MIB2: variants seen among roughly 807,000 people sequenced by gnomAD.
MIB2 encodes the protein MIB E3 ubiquitin protein ligase 2.
MIB2 carries 78 observed loss-of-function variants against 96.6 expected under a neutral mutation model. That is an observed-to-expected ratio of 0.81 (90% CI 0.67 to 0.97). The LOEUF (loss-of-function observed/expected upper bound fraction) is 0.97. Ranked by LOEUF, MIB2 falls within the 50% of genes least tolerant of loss-of-function variation. The pLI, the probability that MIB2 is intolerant of heterozygous loss-of-function variation, is 0.00. For synonymous variants in MIB2, 820 were observed against 629.5 expected (o/e 1.30, Z -4.53); for missense variants, 1,543 against 1,424.0 (o/e 1.08, Z -1.35).
chr1:1,627,196 C>T lies in MIB2; in HGVS notation c.1363C>T (p.Arg455Cys), dbSNP rs201142750. The change falls in exon 11 of 20, where the codon CGC becomes TGC. Residue 455 changes from arginine to cysteine, a missense_variant. Coordinates refer to ENST00000355826, the MANE Select transcript of MIB2 (RefSeq NM_001170687.4). ...AARALDLLRR[R>C]PEQVDTKNQG... ...CCGGGCTCTGGACCTGCTGCGGAGG[C>T]GCCCAGAGCAGGCAAGCTCCTGACC... The T allele has an allele frequency of 2.1e-4, 342 of 1,600,026 alleles. No homozygotes were observed. Among genetic ancestry groups the T allele is most frequent in the Non-Finnish European group, 2.5e-4 (295 of 1,173,982 alleles).
In MIB2 at chr1:1,628,066, T is replaced by C. The variant is rs1274278848; in HGVS notation, c.1728T>C (p.Thr576=). 2 of 1,613,122 alleles carry C rather than the reference T, an allele frequency of 1.2e-6. No homozygotes were observed. Among genetic ancestry groups the C allele is most frequent in the East Asian group, 2.2e-5 (1 of 44,870 alleles). The part of the protein sequence containing the change: ...TPLHSAISAG[T]GASGIVEVLT... ...TGCACTCCGCCATCTCGGCGGGCAC[T>C]GGAGCCAGCGGCATTGTCGAGGTCC... is the stretch of plus-strand genomic sequence containing the variant. The change falls in exon 14 of 20, where the codon ACT becomes ACC. Residue 576 remains threonine, a synonymous_variant. Transcript: ENST00000355826.
chr1:1,623,321 G>A, intron 2 of MIB2, 110 bp from the exon 3 acceptor site: 2 of 1,475,674 alleles, frequency 1.4e-6, no homozygotes, highest in Non-Finnish European at 1.8e-6. Flanking sequence ...GGGCCTCTCT[G>A]CTCTCCCGCG....
intron 19 of MIB2, 77 bp downstream of exon 19, chr1:1,629,781 C>A: frequency 7.1e-7 from 1 of 1,411,662 alleles, no homozygotes; most frequent in East Asian, 2.7e-5. Context: ...CACCCCTTCC[C>A]TCCCACACTT....
In MIB2 at chr1:1,616,541, C is replaced by T; in HGVS notation, c.-96C>T. On this transcript the variant is annotated 5_prime_UTR_variant, in exon 2 of 20. The change creates a premature stop within an existing upstream ORF in the 5' untranslated region. Transcript: ENST00000355826. ...GCCCAGCGAGGCTAGAGGCCAGTCCCAAAGTTTCCAGGCATCAGGGCTGCA... is the reference window on the plus strand; with the variant it reads ...GCCCAGCGAGGCTAGAGGCCAGTCCTAAAGTTTCCAGGCATCAGGGCTGCA... 1 of 1,603,372 alleles carries T rather than the reference C, an allele frequency of 6.2e-7. No individual in the cohort carries two copies.
Position 1,628,045 on chromosome 1 carries a change from C to T in MIB2, c.1707C>T (p.His569=), listed in dbSNP as rs1163653901. The stretch of plus-strand genomic sequence containing the variant: ...ACGCCCACTCGGACACGCCCCTGCA[C>T]TCCGCCATCTCGGCGGGCACTGGAG... The part of the protein sequence containing the change: ...LPDAHSDTPL[H]SAISAGTGAS... Residue 569 remains histidine, a synonymous_variant, in exon 14 of 20, where the codon CAC becomes CAT. Coordinates refer to ENST00000355826, the MANE Select transcript of MIB2 (RefSeq NM_001170687.4). The T allele has an allele frequency of 6.2e-7, 1 of 1,613,172 alleles. No homozygotes were observed. The highest frequency in any genetic ancestry group is 8.5e-7 in the Non-Finnish European group (1 of 1,179,968).
Position 1,624,835 on chromosome 1 carries a change from C to G in MIB2, c.460C>G (p.Leu154Val), listed in dbSNP as rs1456569727. The G allele has an allele frequency of 1.9e-6, 3 of 1,613,148 alleles. No homozygotes were observed. Among genetic ancestry groups the G allele is most frequent in the East Asian group, 4.5e-5 (2 of 44,884 alleles). Residue 154 changes from leucine (L) to valine (V), a missense_variant, in exon 5 of 20, where the codon CTA becomes GTA. Transcript: ENST00000355826. ...SPRQGLPRIP[L>V]RGIFQGAKVV... Reference sequence around the variant, plus strand: ...CCGCCAGGGCCTCCCGAGGATCCCACTAAGGGGCATCTTCCAGGGAGCGAA... The same window carrying G: ...CCGCCAGGGCCTCCCGAGGATCCCAGTAAGGGGCATCTTCCAGGGAGCGAA...
chr1:1,629,121 C>T lies in MIB2; in HGVS notation c.2203-12C>T. 9 of 1,475,570 alleles carry T rather than the reference C, an allele frequency of 6.1e-6. No homozygotes were observed. The highest frequency in any genetic ancestry group is 2.4e-4 in the Middle Eastern group (1 of 4,226). 91.4% of individuals were successfully genotyped at this position (1,475,570 alleles called of 1,614,324 possible). On this transcript the variant is annotated splice_polypyrimidine_tract_variant and intron_variant, in intron 16 of 19. Transcript: ENST00000355826. ...GGCGCCCGCCCTCACCGGCGTCTGT[C>T]CTGCCGCCCAGCTACAGGCCTCGGG...
At chr1:1,628,814 CCA>C in intron 16 of MIB2, 92 bp downstream of exon 16, 1 of 1,136,052 alleles carries the variant, frequency 8.8e-7, no homozygotes, top group Non-Finnish European at 1.2e-6. Flanking sequence ...ACCTTCCCCT[CCA>C]GTGATGGCCC....
chr1:1,625,314 G>A lies in MIB2; in HGVS notation c.750G>A (p.Val250=). Residue 250 remains valine (V), a synonymous_variant, in exon 7 of 20, where the codon GTG becomes GTA. Transcript: ENST00000355826. This position sits in a 1 kb window ranked among gnomAD's most constrained non-coding sequence, Gnocchi z 5.0. ...AGCCGGCGGAGCTGCAGCGCAGGGT[G>A]AGTGCTGACAGCCAGCCCTTCCAGC... is the stretch of plus-strand genomic sequence containing the variant. ...LGKPAELQRR[V]SADSQPFQHG... is the part of the protein sequence containing the mutation. 6.3e-7 allele frequency: 1 copy of A among 1,582,418 alleles called. No individual in the cohort carries two copies. Among genetic ancestry groups the A allele is most frequent in the African/African-American group, 1.3e-5 (1 of 74,382 alleles).
At position 1,623,907 on chromosome 1, in the gene MIB2, C is replaced by T; in HGVS notation, c.381C>T (p.Ala127=). 1 of 1,612,026 alleles carries T rather than the reference C, an allele frequency of 6.2e-7. No homozygotes were observed. ...ACATGCACAACAAGCATGAGCTCGC[C>T]CACGCCTTCGACCGCTACGAGACCG... ...QCYMHNKHEL[A]HAFDRYETAH... The change falls in exon 4 of 20, where the codon GCC becomes GCT. Residue 127 remains alanine (A), a synonymous_variant. Transcript: ENST00000355826.
upstream of MIB2, chr1:1,615,485 G>A (rs1479557454): frequency 3.9e-6 from 6 of 1,524,024 alleles, no homozygotes; most frequent in East Asian, 2.5e-5. Flanking sequence ...CGGCGGGGGC[G>A]GGCCCTGGGC....
intron 14 of MIB2, 33 bp from the exon 15 acceptor site, chr1:1,628,240 C>T (rs977252944): frequency 1.9e-6 from 3 of 1,612,524 alleles, no homozygotes; most frequent in Non-Finnish European, 2.5e-6. Context: ...TGGGGGCAGT[C>T]CCAGGTCCCA....
chr1:1,626,851 C>A lies in MIB2; in HGVS notation c.1092C>A (p.Val364=). Residue 364 remains valine (V), a synonymous_variant, in exon 10 of 20, where the codon GTC becomes GTA. Transcript: ENST00000355826. This position sits in a 1 kb window ranked among gnomAD's most constrained non-coding sequence, Gnocchi z 5.3. ...TDDMAPALGR[V]GKVVKVFGDG... ...CCTCCCCGCAGGCCCTGGGCCGCGT[C>A]GGGAAGGTGGTGAAAGTGTTTGGAG... 6.2e-7 allele frequency: 1 copy of A among 1,602,844 alleles called. No individual in the cohort carries two copies. The highest frequency in any genetic ancestry group is 8.5e-7 in the Non-Finnish European group (1 of 1,179,406).
Position 1,628,200 on chromosome 1 carries a change from C to T in MIB2, c.1841+21C>T, listed in dbSNP as rs749067668. 8 of 1,612,366 alleles carry T rather than the reference C, an allele frequency of 5.0e-6. No homozygotes were observed. In the South Asian group the frequency reaches 6.6e-5, roughly 13 times the overall value. On this transcript the variant is annotated intron_variant, in intron 14 of 19. Coordinates refer to ENST00000355826, the MANE Select transcript of MIB2 (RefSeq NM_001170687.4). The stretch of plus-strand genomic sequence containing the variant: ...GCGCTGTGAGTGTGGGGTGGGCACA[C>T]AGCTGCAGCCGGCCTCTTGCTGTGC...
At chr1:1,627,899 C>G in intron 13 of MIB2, 70 bp downstream of exon 13, 2 of 1,596,140 alleles carry the variant, frequency 1.3e-6, no homozygotes, top group African/African-American at 1.3e-5. Context: ...GTTCCCTCTG[C>G]CCATGTGTGC....
chr1:1,614,094 T>A (rs2100250720), upstream of MIB2: 1 of 152,350 alleles, frequency 6.6e-6, no homozygotes, highest in African/African-American at 2.4e-5. Flanking sequence ...AATTGTGGCA[T>A]GGTTTTATAC....
chr1:1,629,352 G>A, intron 17 of MIB2, 33 bp from the exon 18 acceptor site: 1 of 1,439,900 alleles, frequency 6.9e-7, no homozygotes. Context: ...GGCGGCCTCC[G>A]GGCCCCTCTC....
chr1:1,618,559 C>T, intron 2 of MIB2: 1 of 152,412 alleles, frequency 6.6e-6, no homozygotes, highest in East Asian at 1.9e-4. Context: ...CAGGCCTGCC[C>T]AGGGGATGGG....
Position 1,630,554 on chromosome 1 carries a change from G to A in MIB2, c.*24G>A. ...GAGCCGCGCCGTCCGCCGCGCCCGA[G>A]CTGCCTTCGCGTGCCCCCGCCCTGT... is the stretch of plus-strand genomic sequence containing the variant. On this transcript the variant is annotated 3_prime_UTR_variant, in exon 20 of 20. Coordinates refer to ENST00000355826, the MANE Select transcript of MIB2 (RefSeq NM_001170687.4). The A allele has an allele frequency of 6.6e-7, 1 of 1,520,652 alleles. No homozygotes were observed. Among genetic ancestry groups the A allele is most frequent in the Non-Finnish European group, 8.8e-7 (1 of 1,136,864 alleles). 94.2% of individuals were successfully genotyped at this position (1,520,652 alleles called of 1,614,324 possible).
Sources: allele counts gnomAD v4.1 joint callset, GRCh38; gene constraint gnomAD v4.1.1; non-coding constraint Gnocchi (gnomAD v3.1); transcripts MANE v1.5; gene names NCBI Gene and HGNC (gene_info 2026-07-23, HGNC 2026-07-21).